Variants in RBFOX1 observed in about 807,000 individuals in gnomAD.
The protein encoded by RBFOX1 is RNA binding protein fox-1 homolog 1.
In RBFOX1, 8 loss-of-function variants were observed where a neutral mutation model predicts 57.7. That is an observed-to-expected ratio of 0.14 (90% confidence interval 0.08 to 0.25). RBFOX1 has a LOEUF of 0.25. Ranked by LOEUF, RBFOX1 falls within the 10% of genes least tolerant of loss-of-function variation. RBFOX1 has a pLI of 1.00. For synonymous variants in RBFOX1, 326 were observed against 222.4 expected, an observed-to-expected ratio of 1.47 and a Z score of -4.15; for missense variants, 611 against 548.5, an observed-to-expected ratio of 1.11 and a Z score of -1.14.
intron 3 of RBFOX1, among the ~76,000 whole-genome samples, chr16:5,678,242 A>T (rs1596712520): frequency 6.6e-6 from 1 of 152,168 alleles, no homozygotes; most frequent in Non-Finnish European, 1.5e-5. Context: ...CTGAAGGAGC[A>T]CCAGCCAGTC....
intron 3 of RBFOX1, among the ~76,000 whole-genome samples, chr16:5,606,467 T>C (rs2047583324): frequency 6.6e-6 from 1 of 151,934 alleles, no homozygotes; most frequent in Admixed American, 6.6e-5. Flanking sequence ...CTCCCTTCCT[T>C]CCTCACCTTC....
At chr16:5,624,227 C>G (rs2048281482) in intron 3 of RBFOX1, among the ~76,000 whole-genome samples, 1 of 152,218 alleles carries the variant, frequency 6.6e-6, no homozygotes, top group East Asian at 1.9e-4. Flanking sequence ...CGGAGTCTCG[C>G]TCTGTCGCCC....
At chr16:7,402,402 TATC>T (rs780592604) in intron 4 of RBFOX1, among the ~76,000 whole-genome samples, 11 of 152,326 alleles carry the variant, frequency 7.2e-5, no homozygotes, top group Non-Finnish European at 1.5e-4. Flanking sequence ...TACAAAGGAA[TATC>T]ATCTTTGAAA....
intron 2 of RBFOX1, among the ~76,000 whole-genome samples, chr16:5,471,314 A>G (rs982007357): frequency 3.3e-5 from 5 of 152,230 alleles, no homozygotes; most frequent in African/African-American, 1.2e-4. Context: ...ATTGAAAAAC[A>G]GGTGATCTAG....
At chr16:5,395,450 A>C (rs2066524391) in intron 1 of RBFOX1, among the ~76,000 whole-genome samples, 1 of 152,112 alleles carries the variant, frequency 6.6e-6, no homozygotes, top group Admixed American at 6.6e-5. Flanking sequence ...GGGCCTTTGG[A>C]GTTCTTCAGA....
chr16:7,695,209 C>G (rs534724406), intron 14 of RBFOX1, among the ~76,000 whole-genome samples: 3 of 152,044 alleles, frequency 2.0e-5, no homozygotes, highest in Non-Finnish European at 4.4e-5. Flanking sequence ...CATAAGGTTC[C>G]GTTTGAACTC....
intron 4 of RBFOX1, among the ~76,000 whole-genome samples, chr16:7,165,273 G>T (rs2079184397): frequency 6.6e-6 from 1 of 151,918 alleles, no homozygotes; most frequent in South Asian, 2.1e-4. Flanking sequence ...AAGCAAGGGG[G>T]CAGAGAGGGT....
chr16:7,232,068 C>G (rs552317739), intron 4 of RBFOX1, among the ~76,000 whole-genome samples: 1 of 152,216 alleles, frequency 6.6e-6, no homozygotes, highest in African/African-American at 2.4e-5. Flanking sequence ...GTCTGTCACC[C>G]AGGCTAGATT....
At chr16:5,763,866 C>T (rs2053676530) in intron 3 of RBFOX1, among the ~76,000 whole-genome samples, 1 of 152,168 alleles carries the variant, frequency 6.6e-6, no homozygotes, top group Non-Finnish European at 1.5e-5. Flanking sequence ...GTAGCAACTC[C>T]TTCTTTTGGG....
chr16:6,571,746 C>G (rs113313597), intron 2 of RBFOX1, among the ~76,000 whole-genome samples: 2 of 152,102 alleles, frequency 1.3e-5, no homozygotes, highest in African/African-American at 4.8e-5. Flanking sequence ...GAAGAATGCA[C>G]CAGCAGAGTT....
chr16:7,193,117 T>TG (rs2085836469), intron 4 of RBFOX1, among the ~76,000 whole-genome samples: 1 of 152,208 alleles, frequency 6.6e-6, no homozygotes, highest in Admixed American at 6.5e-5. Context: ...GCTAATCGGT[T>TG]GGCCTTGAGA....
intron 4 of RBFOX1, among the ~76,000 whole-genome samples, chr16:5,917,772 A>T (rs2058740637): frequency 6.6e-6 from 1 of 152,160 alleles, no homozygotes; most frequent in Non-Finnish European, 1.5e-5. Context: ...ATGTAGTCTC[A>T]AAGTGTGACC....
chr16:7,088,834 C>T (rs1037753417), intron 4 of RBFOX1, among the ~76,000 whole-genome samples: 2 of 152,138 alleles, frequency 1.3e-5, no homozygotes, highest in African/African-American at 2.4e-5. Flanking sequence ...TTTCGAGGTT[C>T]AACTCAACCT....
At chr16:6,901,615 A>G (rs1211603184) in intron 3 of RBFOX1, among the ~76,000 whole-genome samples, 2 of 152,198 alleles carry the variant, frequency 1.3e-5, no homozygotes, top group Non-Finnish European at 2.9e-5. Context: ...AAAAATAGAC[A>G]TTTTTGCAAA....
At position 5,949,237 on chromosome 16, in the gene RBFOX1, C is replaced by G. The variant is rs111591119; in HGVS notation, c.351+81902C>G. Reference sequence around the variant, plus strand: ...CCTGTGTCCAAATCCTCACAGCTGTCCCAGAAGTGTCCTTTCTAGCTATCT... The same window carrying G: ...CCTGTGTCCAAATCCTCACAGCTGTGCCAGAAGTGTCCTTTCTAGCTATCT... On this transcript the variant is annotated intron_variant, in intron 4 of 19. Coordinates refer to the RBFOX1 transcript ENST00000641259. Among the ~76,000 whole-genome samples, 1,394 of 152,226 alleles carry G rather than the reference C, an allele frequency of 9.2e-3. 24 individuals carry two copies. The highest frequency in any genetic ancestry group is 0.031 in the African/African-American group (1,292 of 41,546).
chr16:6,747,305 G>T (rs1401074519), intron 3 of RBFOX1, among the ~76,000 whole-genome samples: 1 of 152,072 alleles, frequency 6.6e-6, no homozygotes, highest in Non-Finnish European at 1.5e-5. Context: ...TACTCAAGAG[G>T]CTGAGGCAGG....
intron 3 of RBFOX1, among the ~76,000 whole-genome samples, chr16:6,705,939 G>A (rs1031454697): frequency 6.6e-6 from 1 of 152,164 alleles, no homozygotes; most frequent in Non-Finnish European, 1.5e-5. Context: ...GAGCACTTGA[G>A]CCTGGGAGGT....
At position 7,598,486 on chromosome 16, in the gene RBFOX1, C is replaced by T. The variant is rs142996557; in HGVS notation, c.622+1055C>T. Among the ~76,000 whole-genome samples, 923 of 151,764 alleles carry T rather than the reference C, an allele frequency of 6.1e-3. 8 individuals are homozygous for T. Among genetic ancestry groups the T allele is most frequent in the East Asian group, 0.046 (237 of 5,172 alleles). Reference sequence around the variant, plus strand: ...AAAATTTTAATTGCACATGGAGATACGGATTTTTTAAAGTAAAAAAAAAAT... The same window carrying T: ...AAAATTTTAATTGCACATGGAGATATGGATTTTTTAAAGTAAAAAAAAAAT... On this transcript the variant is annotated intron_variant, in intron 9 of 15. Transcript: ENST00000550418.
At chr16:6,833,724 A>G (rs951546361) in intron 3 of RBFOX1, among the ~76,000 whole-genome samples, 2 of 152,224 alleles carry the variant, frequency 1.3e-5, no homozygotes, top group Non-Finnish European at 2.9e-5. Flanking sequence ...TCTAGATGCT[A>G]TGGAATATTA....
Sources: allele counts gnomAD v4.1 joint callset (sites outside exome capture counted in the v4.1 genomes callset), GRCh38; gene constraint gnomAD v4.1.1; transcripts MANE v1.5; gene names NCBI Gene and HGNC (gene_info 2026-07-23, HGNC 2026-07-21).